The following DYSF variants were observed in gnomAD, a reference collection of about 807,000 sequenced individuals.
DYSF encodes the protein dystrophy-associated fer-1-like 1.
Under a neutral mutation model 274.9 loss-of-function variants are expected in DYSF, and 212 were observed. The observed-to-expected ratio is 0.77, with a 90% CI of 0.69 to 0.86. The LOEUF is 0.86. Ranked by LOEUF, DYSF falls within the 40% of genes least tolerant of loss-of-function variation. The probability of loss-of-function intolerance (pLI) is 0.00; values close to 1 mark genes in which losing one functional copy is unlikely to be tolerated. For synonymous variants in DYSF, 1,091 were observed against 1,078.7 expected, an observed-to-expected ratio of 1.01 and a Z score of -0.22; for missense variants, 2,666 against 2,783.2, an observed-to-expected ratio of 0.96 and a Z score of 0.95.
chr2:71,527,339 A>G (rs993737701), intron 13 of DYSF, among the ~76,000 whole-genome samples: 2 of 152,208 alleles, frequency 1.3e-5, no homozygotes, highest in African/African-American at 2.4e-5. Flanking sequence ...TAACTATTTG[A>G]GAGTTTCTGC....
chr2:71,520,146 G>A (rs766255702), intron 10 of DYSF, 32 bp from the exon 11 acceptor site: 1 of 1,614,136 alleles, frequency 6.2e-7, no homozygotes, highest in Non-Finnish European at 8.5e-7. Context: ...GGCGGCAAGA[G>A]TTTGATTTGT....
chr2:71,578,339 G>A (rs2092780783), intron 30 of DYSF, among the ~76,000 whole-genome samples: 1 of 152,146 alleles, frequency 6.6e-6, no homozygotes, highest in African/African-American at 2.4e-5. Flanking sequence ...TTCCTGCTGG[G>A]AGGTGTGTGG....
At chr2:71,618,604 G>GTGTGT (rs762202789) in intron 40 of DYSF, among the ~76,000 whole-genome samples, 58 of 25,990 alleles carry the variant, frequency 2.2e-3, no homozygotes, top group African/African-American at 3.3e-3. Flanking sequence ...TGGTAGAGGT[G>GTGTGT]GTGGGTGTGG....
At chr2:71,601,293 A>G in intron 34 of DYSF, 1 of 680,470 alleles carries the variant, frequency 1.5e-6, no homozygotes, top group South Asian at 1.7e-5. Flanking sequence ...AACCCGAATA[A>G]GTAGACTGAA....
In DYSF at chr2:71,524,462, A is replaced by G. The variant is rs2087635546; in HGVS notation, c.1150-1758A>G. Among the ~76,000 whole-genome samples the G allele has an allele frequency of 2.6e-5, 4 of 152,234 alleles. No individual in the cohort carries two copies. The South Asian group carries it at 8.3e-4, about 31-fold the overall frequency. ...TCTTCTGATATGAGCTGAGGAGAAT[A>G]AACGCAGAACACATCCCTTTGGGCA... On this transcript the variant is annotated intron_variant, in intron 12 of 55. Transcript: ENST00000410020.
chr2:71,621,656 G>C (rs1193434519), intron 41 of DYSF, among the ~76,000 whole-genome samples: 1 of 150,608 alleles, frequency 6.6e-6, no homozygotes, highest in East Asian at 1.9e-4. Context: ...TGTATGTTAT[G>C]TATATTATAT....
At chr2:71,597,522 ACCCCGGC>A (rs2093433709) in intron 32 of DYSF, among the ~76,000 whole-genome samples, 1 of 152,006 alleles carries the variant, frequency 6.6e-6, no homozygotes, top group Non-Finnish European at 1.5e-5. Context: ...TCTCCAGCCC[ACCCCGGC>A]CCTGCTGAAT....
intron 23 of DYSF, among the ~76,000 whole-genome samples, chr2:71,563,358 G>T (rs1423025394): frequency 6.6e-6 from 1 of 152,202 alleles, no homozygotes; most frequent in Non-Finnish European, 1.5e-5. Flanking sequence ...AGCTCAGCAG[G>T]ACCCTGGGTG....
intron 35 of DYSF, among the ~76,000 whole-genome samples, chr2:71,601,752 T>C (rs560756403): frequency 6.6e-6 from 1 of 152,270 alleles, no homozygotes; most frequent in East Asian, 1.9e-4. Flanking sequence ...AACCACAGAA[T>C]CCCAGATGGA....
At chr2:71,511,404 T>G (rs1241213569) in intron 4 of DYSF, among the ~76,000 whole-genome samples, 3 of 152,208 alleles carry the variant, frequency 2.0e-5, no homozygotes, top group Admixed American at 1.3e-4. Flanking sequence ...AAGTGGATAG[T>G]GGGAAAAATC....
intron 40 of DYSF, 75 bp downstream of exon 40, chr2:71,613,485 C>T (rs563926816): frequency 1.6e-6 from 2 of 1,260,952 alleles, no homozygotes; most frequent in Admixed American, 1.9e-5. Flanking sequence ...CCCCTTCTCC[C>T]CTACCCTTCA....
chr2:71,668,447 G>C (rs1002433885), intron 48 of DYSF, among the ~76,000 whole-genome samples: 1 of 152,162 alleles, frequency 6.6e-6, no homozygotes, highest in African/African-American at 2.4e-5. Flanking sequence ...ACTGAACGGT[G>C]CTCTTTGACA....
At chr2:71,543,928 G>A (rs1337228290) in intron 17 of DYSF, among the ~76,000 whole-genome samples, 1 of 139,928 alleles carries the variant, frequency 7.1e-6, no homozygotes, top group Non-Finnish European at 1.7e-5. Context: ...GGGAGAAGGA[G>A]AGGGAGAGGG....
intron 17 of DYSF, among the ~76,000 whole-genome samples, chr2:71,547,707 G>C (rs567880742): frequency 6.6e-6 from 1 of 152,318 alleles, no homozygotes; most frequent in African/African-American, 2.4e-5. Flanking sequence ...TGCGAGGCAG[G>C]CTGCTTCGCA....
At chr2:71,514,876 C>T (rs568771551) in intron 7 of DYSF, among the ~76,000 whole-genome samples, 1 of 151,836 alleles carries the variant, frequency 6.6e-6, no homozygotes, top group Non-Finnish European at 1.5e-5. Context: ...TTATTTTAGA[C>T]ACTTTGGAAA....
chr2:71,573,055 G>C (rs191219958), intron 29 of DYSF, among the ~76,000 whole-genome samples: 3 of 152,350 alleles, frequency 2.0e-5, no homozygotes, highest in Non-Finnish European at 4.4e-5. Flanking sequence ...GACCTTCTTG[G>C]TCTATGATCT....
chr2:71,629,127 C>G (rs2152906148), intron 41 of DYSF, among the ~76,000 whole-genome samples: 1 of 152,204 alleles, frequency 6.6e-6, no homozygotes, highest in African/African-American at 2.4e-5. Context: ...TCATGTCTGT[C>G]AAATTTTCTT....
At chr2:71,609,526 G>A (rs919701912) in intron 36 of DYSF, among the ~76,000 whole-genome samples, 12 of 152,088 alleles carry the variant, frequency 7.9e-5, no homozygotes, top group Non-Finnish European at 1.6e-4. Context: ...TTTACTAAGC[G>A]CCTCCTGTGT....
At chr2:71,613,472 C>A in intron 40 of DYSF, 62 bp downstream of exon 40, 2 of 1,359,170 alleles carry the variant, frequency 1.5e-6, no homozygotes, top group South Asian at 1.2e-5. Flanking sequence ...TCATCAATTC[C>A]CACCCCTTCT....
Sources: gnomAD v4.1 joint callset for allele counts (sites outside exome capture counted in the v4.1 genomes callset) on GRCh38, gnomAD v4.1.1 for gene constraint, MANE v1.5 for transcripts, NCBI Gene and HGNC (gene_info 2026-07-23, HGNC 2026-07-21) for gene names.